The following NOVA2 variants were observed in gnomAD, a reference collection of about 807,000 sequenced individuals.
NOVA2 encodes the protein RNA-binding protein Nova-2.
NOVA2 carries 9 observed loss-of-function variants against 22.5 expected under a neutral mutation model. The ratio of observed to expected loss-of-function variants is 0.40; its 90% CI spans 0.24 to 0.70. The LOEUF (loss-of-function observed/expected upper bound fraction) is 0.70. Ranked by LOEUF, NOVA2 falls within the 30% of genes least tolerant of loss-of-function variation. The pLI is 0.38. For synonymous variants in NOVA2, 318 were observed against 335.2 expected (o/e 0.95, Z 0.56); for missense variants, 383 against 682.8 (o/e 0.56, Z 4.89).
In NOVA2 at chr19:45,956,134, AC is replaced by A. The variant is rs1277783217; in HGVS notation, c.230-2189del. Among the ~76,000 whole-genome samples the A allele has an allele frequency of 1.2e-4, 17 of 145,766 alleles. 1 individual carries two copies. The South Asian group carries it at 2.7e-3, about 23-fold the overall frequency. ...TTGGGCCATGTTCCTCACTCTTACT[AC>A]CCCCCCTTCCCCACCCCAGAACAAT... On this transcript the variant is annotated intron_variant, in intron 2 of 3. Coordinates refer to ENST00000263257, the MANE Select transcript of NOVA2 (RefSeq NM_002516.4).
intron 1 of NOVA2, among the ~76,000 whole-genome samples, chr19:45,971,064 G>A (rs527456724): frequency 1.3e-5 from 2 of 152,240 alleles, no homozygotes; most frequent in South Asian, 2.1e-4. Flanking sequence ...CTTAGAAACC[G>A]TGTGACCTTG....
chr19:45,968,460 G>T (rs1227123540), intron 1 of NOVA2, among the ~76,000 whole-genome samples: 5 of 152,070 alleles, frequency 3.3e-5, no homozygotes, highest in African/African-American at 1.2e-4. Flanking sequence ...GATGCTGAAA[G>T]GTGTGATGCT....
intron 3 of NOVA2, among the ~76,000 whole-genome samples, chr19:45,946,911 T>C (rs1967849110): frequency 1.3e-5 from 2 of 151,506 alleles, no homozygotes; most frequent in Admixed American, 6.6e-5. Context: ...AAATTGTGTG[T>C]GCGCACGCGC....
rs1488649184 is a variant in NOVA2, at chr19:45,968,790, A to G, written c.85+4477T>C. On this transcript the variant is annotated intron_variant, in intron 1 of 3. Coordinates refer to ENST00000263257, the MANE Select transcript of NOVA2 (RefSeq NM_002516.4). Reference sequence around the variant, plus strand: ...CGCCTGAGGATTCCACACCAAGCACATGACGGTGGCAAGATATGAATCCTG... The same window carrying G: ...CGCCTGAGGATTCCACACCAAGCACGTGACGGTGGCAAGATATGAATCCTG... 3.3e-5 allele frequency among the ~76,000 whole-genome samples: 5 copies of G among 152,090 alleles called. No homozygotes were observed. The East Asian group carries it at 5.8e-4, about 18-fold the overall frequency.
chr19:45,973,195 A>AT, intron 1 of NOVA2, 72 bp downstream of exon 1: 1 of 717,246 alleles, frequency 1.4e-6, no homozygotes, highest in South Asian at 2.2e-5. Flanking sequence ...CTGCCACGGG[A>AT]GGGGGGGAAA....
chr19:45,958,576 AGTGTGAATGAGTGTGT>A lies in NOVA2; in HGVS notation c.229+2418_229+2433del, dbSNP rs1319336100. ...GCGTGTGTGTGGGTGTGAGGGTGTGAGTGTGAATGAGTGTGTGTGAGCATGACAGTGTGCGTGTCAG... is the reference window on the plus strand; with the variant it reads ...GCGTGTGTGTGGGTGTGAGGGTGTGAGTGAGCATGACAGTGTGCGTGTCAG... On this transcript the variant is annotated intron_variant, in intron 2 of 3. Transcript: ENST00000263257. Among the ~76,000 whole-genome samples, 6 of 147,300 alleles carry A rather than the reference AGTGTGAATGAGTGTGT, an allele frequency of 4.1e-5. No homozygotes were observed. The East Asian group carries it at 1.2e-3, about 29-fold the overall frequency.
At chr19:45,953,649 T>G in intron 3 of NOVA2, 131 bp downstream of exon 3, 1 of 1,078,134 alleles carries the variant, frequency 9.3e-7, no homozygotes, top group Non-Finnish European at 1.4e-6. Context: ...ACCACTACCA[T>G]GTGGTCTTTG....
intron 1 of NOVA2, among the ~76,000 whole-genome samples, chr19:45,966,029 GT>G (rs1463703361): frequency 2.6e-5 from 4 of 151,940 alleles, no homozygotes; most frequent in Non-Finnish European, 5.9e-5. Context: ...TATACGTGGG[GT>G]TTGGGGGTTG....
chr19:45,953,727 TTC>T, intron 3 of NOVA2, 51 bp downstream of exon 3: 1 of 1,607,224 alleles, frequency 6.2e-7, no homozygotes. Context: ...GGAGGAATGT[TTC>T]TTTGTGAATG....
At position 45,961,052 on chromosome 19, in the gene NOVA2, C is replaced by T. The variant is rs1027936364; in HGVS notation, c.187G>A (p.Gly63Arg). 2.7e-5 allele frequency: 42 copies of T among 1,577,942 alleles called. No individual in the cohort carries two copies. The highest frequency in any genetic ancestry group is 1.5e-4 in the Admixed American group (8 of 54,362). The stretch of plus-strand genomic sequence containing the variant: ...GACTTGGAGAGCTTGATGGTGGCTC[C>T]GGTCTCCTTCTGCAGCTGCACGATG... Reference protein sequence around the residue: ...QTIVQLQKETGATIKLSKSKD... With the variant: ...QTIVQLQKETRATIKLSKSKD... The change falls in exon 2 of 4, where the codon GGA becomes AGA. Residue 63 changes from glycine to arginine, a missense_variant. This residue lies in a region of NOVA2 where 349 missense variants were observed against 578.1 expected (regional missense o/e 0.60). Transcript: ENST00000263257.
At chr19:45,953,987 G>A (rs1237956589) in intron 2 of NOVA2, 41 bp from the exon 3 acceptor site, 2 of 1,603,866 alleles carry the variant, frequency 1.2e-6, no homozygotes, top group South Asian at 1.1e-5. Context: ...CATGAGACAG[G>A]AATGGGAACA....
chr19:45,958,110 C>CAAA (rs33945455), intron 2 of NOVA2, among the ~76,000 whole-genome samples: 50 of 87,584 alleles, frequency 5.7e-4, no homozygotes, highest in Non-Finnish European at 9.0e-4. Flanking sequence ...GACTCCGTCT[C>CAAA]AAAAAAAAAA....
rs970905913 is a variant in NOVA2 at position 45,937,141 on chromosome 19, C to G, written c.*2722G>C. ...ATACCTTTCAGATCACCCTGGCTGG[C>G]TGGGTAGGGGGTCCCCAAGAAATAT... On this transcript the variant is annotated 3_prime_UTR_variant, in exon 4 of 4. Transcript: ENST00000263257. 6.6e-6 allele frequency: 1 copy of G among 152,176 alleles called. No individual in the cohort carries two copies. The highest frequency in any genetic ancestry group is 1.5e-5 in the Non-Finnish European group (1 of 68,038). The allele number at this position is 152,176 out of a possible 1,614,324, so 9.4% of individuals were successfully genotyped here.
chr19:45,954,581 G>A (rs1371360321), intron 2 of NOVA2, among the ~76,000 whole-genome samples: 3 of 152,074 alleles, frequency 2.0e-5, no homozygotes, highest in African/African-American at 7.2e-5. Flanking sequence ...CTGAGGGGTG[G>A]GGGAGGGCAG....
intron 1 of NOVA2, among the ~76,000 whole-genome samples, chr19:45,965,171 C>T (rs931629512): frequency 7.9e-5 from 12 of 152,142 alleles, no homozygotes; most frequent in African/African-American, 2.9e-4. Context: ...GGTCCTTTAT[C>T]TCCAGAAGGC....
In NOVA2 at chr19:45,973,337, G is replaced by A. The variant is rs1968259000; in HGVS notation, c.15C>T (p.Ala5=). The A allele has an allele frequency of 1.6e-6, 2 of 1,263,168 alleles. No individual in the cohort carries two copies. Among genetic ancestry groups the A allele is most frequent in the Admixed American group, 3.5e-5 (1 of 28,806 alleles). 78.2% of individuals were successfully genotyped at this position (1,263,168 alleles called of 1,614,324 possible). MEPE[A]PDSRKRPLET... ...CGAGGGGCCTCTTGCGGGAATCCGG[G>A]GCCTCGGGCTCCATGGGGGGGGCCT... Residue 5 remains alanine (A), a synonymous_variant, in exon 1 of 4, where the codon GCC becomes GCT. Coordinates refer to ENST00000263257, the MANE Select transcript of NOVA2 (RefSeq NM_002516.4).
At chr19:45,969,847 C>T (rs1968212344) in intron 1 of NOVA2, among the ~76,000 whole-genome samples, 1 of 152,196 alleles carries the variant, frequency 6.6e-6, no homozygotes, top group Non-Finnish European at 1.5e-5. Context: ...CGGCATCTGC[C>T]AGCCACTCAC....
At chr19:45,972,245 C>T (rs1258751636) in intron 1 of NOVA2, among the ~76,000 whole-genome samples, 1 of 152,060 alleles carries the variant, frequency 6.6e-6, no homozygotes, top group African/African-American at 2.4e-5. Context: ...CACCCACCTT[C>T]CCTGTTGCAC....
rs192124883 is a variant in NOVA2 at position 45,956,140 on chromosome 19, C to A, written c.230-2194G>T. On this transcript the variant is annotated intron_variant, in intron 2 of 3. Transcript: ENST00000263257. ...CATGTTCCTCACTCTTACTACCCCCCCTTCCCCACCCCAGAACAATGGCTT... is the reference window on the plus strand; with the variant it reads ...CATGTTCCTCACTCTTACTACCCCCACTTCCCCACCCCAGAACAATGGCTT... Among the ~76,000 whole-genome samples, 42 of 152,300 alleles carry A rather than the reference C, an allele frequency of 2.8e-4. 1 individual carries two copies. Among genetic ancestry groups the A allele is most frequent in the African/African-American group, 9.1e-4 (38 of 41,570 alleles).
Sources: allele counts gnomAD v4.1 joint callset (sites outside exome capture counted in the v4.1 genomes callset), GRCh38; gene constraint gnomAD v4.1.1; regional missense constraint gnomAD v4.1.1; transcripts MANE v1.5; gene names NCBI Gene and HGNC (gene_info 2026-07-23, HGNC 2026-07-21).